Variants in SLIT3 observed in about 807,000 individuals in gnomAD.
The protein encoded by SLIT3 is slit guidance ligand 3, also known as slit homolog 3 protein.
In SLIT3, 68 loss-of-function variants were observed where a neutral mutation model predicts 184.0. That is an observed-to-expected ratio of 0.37 (90% CI 0.30 to 0.45). The LOEUF (loss-of-function observed/expected upper bound fraction) is 0.45. Ranked by LOEUF, SLIT3 falls within the 20% of genes least tolerant of loss-of-function variation. The pLI, the probability that SLIT3 is intolerant of heterozygous loss-of-function variation, is 1.00. For synonymous variants in SLIT3, 831 were observed against 828.6 expected, an observed-to-expected ratio of 1.00 and a Z score of -0.05; for missense variants, 1,707 against 2,026.0, an observed-to-expected ratio of 0.84 and a Z score of 3.02.
intron 27 of SLIT3, among the ~76,000 whole-genome samples, chr5:168,699,707 G>A (rs911463003): frequency 6.6e-6 from 1 of 152,226 alleles, no homozygotes; most frequent in African/African-American, 2.4e-5. Context: ...CCTAGAGCAA[G>A]TCCATTTCTG....
intron 23 of SLIT3, among the ~76,000 whole-genome samples, chr5:168,715,775 C>T (rs543493649): frequency 8.5e-5 from 13 of 152,174 alleles, no homozygotes; most frequent in Admixed American, 6.5e-4. Context: ...CCGGTTCAAG[C>T]GATTCTCCTG....
At chr5:169,124,748 T>C (rs896734018) in intron 4 of SLIT3, among the ~76,000 whole-genome samples, 2 of 152,098 alleles carry the variant, frequency 1.3e-5, no homozygotes, top group Admixed American at 1.3e-4. Flanking sequence ...ATTTAAATGT[T>C]GGTTGTGATG....
chr5:168,760,963 G>A (rs1361599748), intron 15 of SLIT3, 27 bp from the exon 16 acceptor site: 1 of 1,568,594 alleles, frequency 6.4e-7, no homozygotes. Context: ...ATGAGTGGTA[G>A]GTTAGCTGTG....
chr5:169,289,508 T>C (rs1274266042), intron 1 of SLIT3, among the ~76,000 whole-genome samples: 3 of 152,220 alleles, frequency 2.0e-5, no homozygotes, highest in Non-Finnish European at 4.4e-5. Context: ...CCTGGGGCAC[T>C]TTTACATGCT....
In SLIT3 at chr5:169,056,136, G is replaced by C. The variant is rs1757995165; in HGVS notation, c.413+137343C>G. ...AGGGGCTCGGAGGAGGCAGTGGAGT[G>C]GGGGTATAAAATCTTCTCCTCTCAG... On this transcript the variant is annotated intron_variant, in intron 4 of 35. Coordinates refer to ENST00000519560, the MANE Select transcript of SLIT3 (RefSeq NM_003062.4). Among the ~76,000 whole-genome samples, 5 of 152,168 alleles carry C rather than the reference G, an allele frequency of 3.3e-5. No homozygotes were observed. In the South Asian group the frequency reaches 1.0e-3, roughly 32 times the overall value.
At chr5:169,284,865 T>A (rs1406725538) in intron 1 of SLIT3, among the ~76,000 whole-genome samples, 1 of 152,236 alleles carries the variant, frequency 6.6e-6, no homozygotes, top group Non-Finnish European at 1.5e-5. Flanking sequence ...TATGTCTTTT[T>A]TTTATGAGAA....
chr5:168,767,752 C>T (rs1371416619), intron 14 of SLIT3, among the ~76,000 whole-genome samples: 1 of 152,126 alleles, frequency 6.6e-6, no homozygotes, highest in Non-Finnish European at 1.5e-5. Context: ...AGGAATTCCC[C>T]TTTGGGTTAG....
At chr5:169,263,838 CTG>C (rs1766297097) in intron 1 of SLIT3, 6 of 327,730 alleles carry the variant, frequency 1.8e-5, no homozygotes, top group South Asian at 1.2e-4. Flanking sequence ...TGCCTGTTTC[CTG>C]TGTGTCTGCC....
chr5:168,842,469 G>GTTTTTTTCTTTTTTTTTTT (rs1758295057), intron 6 of SLIT3, among the ~76,000 whole-genome samples: 1 of 88,100 alleles, frequency 1.1e-5, no homozygotes, highest in African/African-American at 4.8e-5. Flanking sequence ...CCGTTTTTTC[G>GTTTTTTTCTTTTTTTTTTT]TTTTTTTTTT....
At chr5:169,198,435 G>A (rs297845) in intron 3 of SLIT3, among the ~76,000 whole-genome samples, 5,216 of 152,294 alleles carry the variant, frequency 0.034, 323 homozygotes, top group African/African-American at 0.12. Flanking sequence ...CAGGAGACAG[G>A]AGCATTTGGG....
chr5:168,790,265 G>A (rs1461291271), intron 10 of SLIT3: 1 of 152,430 alleles, frequency 6.6e-6, no homozygotes, highest in Admixed American at 6.5e-5. Context: ...GGCTGGCAGT[G>A]TGTTCCTCAT....
intron 4 of SLIT3, among the ~76,000 whole-genome samples, chr5:169,000,921 C>T (rs1347620189): frequency 6.6e-6 from 1 of 152,108 alleles, no homozygotes; most frequent in African/African-American, 2.4e-5. Context: ...TCCTGCCAAG[C>T]GGTTATTTGA....
chr5:169,273,386 T>C (rs981984742), intron 1 of SLIT3, among the ~76,000 whole-genome samples: 1 of 152,220 alleles, frequency 6.6e-6, no homozygotes, highest in Non-Finnish European at 1.5e-5. Flanking sequence ...AGCTTCCCAC[T>C]TCTCTGCACA....
chr5:168,956,305 G>A (rs571941761), intron 4 of SLIT3, among the ~76,000 whole-genome samples: 4 of 152,234 alleles, frequency 2.6e-5, no homozygotes, highest in South Asian at 2.1e-4. Context: ...CTGAGAAATC[G>A]GAGTACTAGA....
intron 4 of SLIT3, among the ~76,000 whole-genome samples, chr5:169,148,666 C>T (rs1561697801): frequency 6.6e-6 from 1 of 152,268 alleles, no homozygotes; most frequent in Admixed American, 6.5e-5. Flanking sequence ...TCCCTGACCT[C>T]GGTTATGTGT....
At chr5:168,907,985 G>T (rs1212936625) in intron 4 of SLIT3, among the ~76,000 whole-genome samples, 9 of 134,586 alleles carry the variant, frequency 6.7e-5, no homozygotes, top group East Asian at 2.2e-4. Flanking sequence ...TATATAGAGA[G>T]AGAGAGAGAG....
At chr5:169,064,145 T>C (rs2113104042) in intron 4 of SLIT3, among the ~76,000 whole-genome samples, 1 of 152,308 alleles carries the variant, frequency 6.6e-6, no homozygotes, top group Admixed American at 6.5e-5. Flanking sequence ...GTTGCTCTCC[T>C]TTAAACAGAT....
intron 8 of SLIT3, 148 bp from the exon 9 acceptor site, chr5:168,806,735 G>C: frequency 1.2e-6 from 1 of 866,942 alleles, no homozygotes. Flanking sequence ...TCACCTGGGA[G>C]ACACAGGTGC....
chr5:168,696,351 T>G lies in SLIT3; in HGVS notation c.3023A>C (p.Asn1008Thr). 1 of 1,614,150 alleles carries G rather than the reference T, an allele frequency of 6.2e-7. No homozygotes were observed. The highest frequency in any genetic ancestry group is 8.5e-7 in the Non-Finnish European group (1 of 1,180,018). ...DDCEDNDCEN[N>T]ATCVDGINNY... ...GTTGATCCCGTCCACGCAGGTGGCA[T>G]TGTTTTCGCAGTCGTTGTCCTCACA... is the stretch of plus-strand genomic sequence containing the variant. Residue 1008 changes from asparagine to threonine, a missense_variant, in exon 28 of 36, where the codon AAT becomes ACT. Physicochemically the swap from Asn to Thr is moderately conservative, Grantham distance 65. Transcript: ENST00000519560.
Sources: gnomAD v4.1 joint callset for allele counts (sites outside exome capture counted in the v4.1 genomes callset) on GRCh38, gnomAD v4.1.1 for gene constraint, MANE v1.5 for transcripts, NCBI Gene and HGNC (gene_info 2026-07-23, HGNC 2026-07-21) for gene names.